ADAMTSL1: variants seen among roughly 807,000 people sequenced by gnomAD.
The protein encoded by ADAMTSL1 is ADAMTS like 1.
In ADAMTSL1, 126 loss-of-function variants were observed where a neutral mutation model predicts 201.8. The ratio of observed to expected loss-of-function variants is 0.62; its 90% CI spans 0.54 to 0.72. The LOEUF (loss-of-function observed/expected upper bound fraction) is 0.72. Among genes scored for constraint, ADAMTSL1 ranks in the 30% least tolerant of loss-of-function variants. ADAMTSL1 has a pLI of 0.00. For missense variants in ADAMTSL1, 2,679 were observed against 2,277.8 expected, an observed-to-expected ratio of 1.18 and a Z score of -3.59; for synonymous variants, 1,121 against 903.4, an observed-to-expected ratio of 1.24 and a Z score of -4.32.
At chr9:18,433,213 A>G (rs1819574522) in intron 2 of ADAMTSL1, among the ~76,000 whole-genome samples, 1 of 152,168 alleles carries the variant, frequency 6.6e-6, no homozygotes, top group African/African-American at 2.4e-5. Context: ...GTATGATTTT[A>G]TCACTCAAAA....
intron 1 of ADAMTSL1, among the ~76,000 whole-genome samples, chr9:18,493,411 C>A (rs957909139): frequency 3.3e-5 from 5 of 152,246 alleles, no homozygotes; most frequent in Admixed American, 3.3e-4. Flanking sequence ...CTTCCTCACC[C>A]ACCTCTCTTC....
intron 1 of ADAMTSL1, among the ~76,000 whole-genome samples, chr9:17,982,127 T>A (rs530940811): frequency 1.1e-3 from 169 of 152,322 alleles, no homozygotes; most frequent in Non-Finnish European, 1.7e-3. Flanking sequence ...TCTCTCTTGT[T>A]TTATAGTTTT....
intron 2 of ADAMTSL1, among the ~76,000 whole-genome samples, chr9:18,172,648 C>T (rs1827951527): frequency 6.6e-6 from 1 of 151,858 alleles, no homozygotes; most frequent in Non-Finnish European, 1.5e-5. Context: ...TTAGAGAAGC[C>T]CTTACACTTA....
At chr9:18,690,062 G>C (rs532683745) in intron 13 of ADAMTSL1, among the ~76,000 whole-genome samples, 230 of 152,278 alleles carry the variant, frequency 1.5e-3, no homozygotes, top group Middle Eastern at 3.4e-3. Context: ...ATGCCAGATG[G>C]CATCAGCTTA....
At chr9:18,748,446 A>G (rs777810324) in intron 15 of ADAMTSL1, among the ~76,000 whole-genome samples, 4 of 152,230 alleles carry the variant, frequency 2.6e-5, no homozygotes, top group Non-Finnish European at 5.9e-5. Context: ...ACCATAATCC[A>G]ACAAGCTAAT....
chr9:18,493,776 A>G (rs74409623), intron 1 of ADAMTSL1, among the ~76,000 whole-genome samples: 3,660 of 152,292 alleles, frequency 0.024, 150 homozygotes, highest in African/African-American at 0.084. Flanking sequence ...ATCTGAATGT[A>G]TATGGACAAG....
intron 2 of ADAMTSL1, among the ~76,000 whole-genome samples, chr9:18,219,253 A>G (rs932648652): frequency 3.9e-5 from 6 of 151,902 alleles, no homozygotes; most frequent in Non-Finnish European, 7.4e-5. Context: ...TTAGTATAGC[A>G]TGGTGGGCCT....
At chr9:18,582,828 G>A (rs1327161882) in intron 4 of ADAMTSL1, among the ~76,000 whole-genome samples, 2 of 150,138 alleles carry the variant, frequency 1.3e-5, no homozygotes, top group African/African-American at 4.9e-5. Flanking sequence ...CAGCCTGGGC[G>A]ACACAACGAG....
rs553266556 is a variant in ADAMTSL1, at chr9:18,844,439, G to C, written c.4249+14462G>C. Among the ~76,000 whole-genome samples the C allele has an allele frequency of 3.9e-5, 6 of 152,298 alleles. No homozygotes were observed. The South Asian group carries it at 1.2e-3, about 32-fold the overall frequency. On this transcript the variant is annotated intron_variant, in intron 23 of 28. Transcript: ENST00000380548. ...ACCCGGCCGTGTAAGGTGTCAGTCT[G>C]CCCCTACTGGGGGGTGCCTCCCAGT...
intron 1 of ADAMTSL1, among the ~76,000 whole-genome samples, chr9:18,047,804 C>T (rs767418746): frequency 1.2e-4 from 18 of 152,280 alleles, no homozygotes; most frequent in Non-Finnish European, 2.5e-4. Flanking sequence ...AGAAGTATTT[C>T]GCCAATTACT....
At chr9:17,953,022 C>T (rs962166660) in intron 1 of ADAMTSL1, among the ~76,000 whole-genome samples, 2 of 130,334 alleles carry the variant, frequency 1.5e-5, no homozygotes, top group Admixed American at 1.7e-4. Flanking sequence ...ATCATTTTGT[C>T]AATTTCCATA....
intron 4 of ADAMTSL1, among the ~76,000 whole-genome samples, chr9:18,603,383 A>ATGCTT (rs1398670664): frequency 1.4e-4 from 21 of 151,872 alleles, no homozygotes; most frequent in African/African-American, 4.8e-4. Flanking sequence ...ATGCTATGCT[A>ATGCTT]TGCTATGCTA....
chr9:18,249,971 T>A (rs1447600932), intron 2 of ADAMTSL1, among the ~76,000 whole-genome samples: 3 of 152,230 alleles, frequency 2.0e-5, no homozygotes, highest in African/African-American at 4.8e-5. Context: ...CAAAAATATA[T>A]ACTTATTACA....
At chr9:18,602,334 G>A (rs1351880440) in intron 4 of ADAMTSL1, among the ~76,000 whole-genome samples, 1 of 152,198 alleles carries the variant, frequency 6.6e-6, no homozygotes, top group Admixed American at 6.5e-5. Context: ...CTGCAAACAT[G>A]AGCCTCCTCT....
At chr9:18,664,771 T>G (rs922161386) in intron 9 of ADAMTSL1, among the ~76,000 whole-genome samples, 1 of 152,114 alleles carries the variant, frequency 6.6e-6, no homozygotes, top group African/African-American at 2.4e-5. Flanking sequence ...AACCTTATAT[T>G]TATTACTTTA....
At chr9:17,990,237 A>G (rs1194840430) in intron 1 of ADAMTSL1, among the ~76,000 whole-genome samples, 1 of 152,060 alleles carries the variant, frequency 6.6e-6, no homozygotes, top group Non-Finnish European at 1.5e-5. Flanking sequence ...CTTTCCTTTT[A>G]TGTAGCAAGC....
At chr9:18,609,712 AT>A (rs1825261701) in intron 4 of ADAMTSL1, among the ~76,000 whole-genome samples, 1 of 152,082 alleles carries the variant, frequency 6.6e-6, no homozygotes. Context: ...GTGACTACAT[AT>A]CCCCCCCCTA....
At chr9:18,254,781 T>C (rs72684969) in intron 2 of ADAMTSL1, among the ~76,000 whole-genome samples, 5,840 of 151,910 alleles carry the variant, frequency 0.038, 156 homozygotes, top group Non-Finnish European at 0.062. Flanking sequence ...TTGGTATGTA[T>C]AAAGTTATTA....
intron 15 of ADAMTSL1, among the ~76,000 whole-genome samples, chr9:18,725,042 A>G (rs910100823): frequency 3.9e-5 from 6 of 152,078 alleles, no homozygotes; most frequent in Non-Finnish European, 8.8e-5. Flanking sequence ...AAGTAGCTGG[A>G]ACTACAGGCG....
Sources: allele counts gnomAD v4.1 joint callset (sites outside exome capture counted in the v4.1 genomes callset), GRCh38; gene constraint gnomAD v4.1.1; transcripts MANE v1.5; gene names NCBI Gene and HGNC (gene_info 2026-07-23, HGNC 2026-07-21).